Variants in FAM163A observed in about 807,000 individuals in gnomAD.
FAM163A encodes protein FAM163A.
In FAM163A, 7 loss-of-function variants were observed where a neutral mutation model predicts 12.0. The ratio of observed to expected loss-of-function variants is 0.58; its 90% CI spans 0.33 to 1.10. FAM163A has a LOEUF of 1.10. FAM163A is among the 50% of genes least tolerant of loss of function. The pLI is 0.03. For missense variants in FAM163A, 202 were observed against 218.6 expected (o/e 0.92, Z 0.48); for synonymous variants, 101 against 91.0 (o/e 1.11, Z -0.62).
At chr1:179,751,815 TA>T (rs1685314802) in intron 1 of FAM163A, among the ~76,000 whole-genome samples, 1 of 152,126 alleles carries the variant, frequency 6.6e-6, no homozygotes, top group African/African-American at 2.4e-5. Context: ...AAAGAAGACA[TA>T]AACAAATGGA....
the FAM163A span, among the ~76,000 whole-genome samples, chr1:179,730,733 T>G: frequency 6.6e-6 from 1 of 152,238 alleles, no homozygotes; most frequent in Non-Finnish European, 1.5e-5. Context: ...CACTCTTTTA[T>G]GTACAAAATA....
upstream of FAM163A, chr1:179,742,432 C>G (rs1201951364): frequency 6.6e-6 from 1 of 152,256 alleles, no homozygotes; most frequent in African/African-American, 2.4e-5. Flanking sequence ...CCGGGTTGAC[C>G]CCACCCCTCT....
chr1:179,728,824 T>G, the FAM163A span, among the ~76,000 whole-genome samples: 1 of 152,162 alleles, frequency 6.6e-6, no homozygotes, highest in Non-Finnish European at 1.5e-5. Flanking sequence ...CTAAATGGTT[T>G]TTGTCCTGAA....
chr1:179,728,048 C>T, the FAM163A span, among the ~76,000 whole-genome samples: 1 of 152,058 alleles, frequency 6.6e-6, no homozygotes, highest in East Asian at 1.9e-4. Context: ...TGTGAGTGGG[C>T]AGAAAAAGGA....
At position 179,814,681 on chromosome 1, in the gene FAM163A, T is replaced by C. The variant is rs894120977; in HGVS notation, c.*492T>C. ...GCGAGGGGCGGGGCGTCAACGGCAC[T>C]GCTTCAGGACGCGCTTGCTGAAACG... On this transcript the variant is annotated 3_prime_UTR_variant, in exon 5 of 5. Coordinates refer to ENST00000341785, the MANE Select transcript of FAM163A (RefSeq NM_173509.3). 1 of 158,250 alleles carries C rather than the reference T, an allele frequency of 6.3e-6. No individual in the cohort carries two copies. The allele number at this position is 158,250 out of a possible 1,614,324, so 9.8% of individuals were successfully genotyped here. A position where few individuals can be genotyped will look rare whatever the true frequency, so the allele number is the denominator to read the frequency against.
intron 1 of FAM163A, among the ~76,000 whole-genome samples, chr1:179,775,791 C>T (rs12756362): frequency 0.17 from 25,889 of 152,190 alleles, 2,939 homozygotes; most frequent in Non-Finnish European, 0.24. Context: ...ACTTTGAGGA[C>T]TCTCAGGAAA....
At chr1:179,786,195 A>G (rs1690597623) in intron 1 of FAM163A, among the ~76,000 whole-genome samples, 2 of 152,224 alleles carry the variant, frequency 1.3e-5, no homozygotes, top group Non-Finnish European at 2.9e-5. Flanking sequence ...ACCTACTAAC[A>G]CATCACAAAA....
At chr1:179,784,774 C>T (rs1448985898) in intron 1 of FAM163A, among the ~76,000 whole-genome samples, 1 of 152,174 alleles carries the variant, frequency 6.6e-6, no homozygotes, top group Non-Finnish European at 1.5e-5. Flanking sequence ...TGTGACATGT[C>T]GCAGTGTATA....
chr1:179,751,069 G>C (rs556869640), intron 1 of FAM163A, among the ~76,000 whole-genome samples: 80 of 152,280 alleles, frequency 5.3e-4, no homozygotes, highest in African/African-American at 1.9e-3. Context: ...CATTGTGAGT[G>C]AGTCTCAGCC....
chr1:179,778,836 A>T (rs2148162787), intron 1 of FAM163A, among the ~76,000 whole-genome samples: 1 of 152,328 alleles, frequency 6.6e-6, no homozygotes, highest in African/African-American at 2.4e-5. Flanking sequence ...GGTGCAACCC[A>T]CCTAGTAACA....
chr1:179,762,798 GA>G (rs1686983110), intron 1 of FAM163A, among the ~76,000 whole-genome samples: 1 of 152,200 alleles, frequency 6.6e-6, no homozygotes, highest in Non-Finnish European at 1.5e-5. Context: ...AGGCCATTGT[GA>G]ACACACACTG....
At chr1:179,765,425 C>T (rs1687355457) in intron 1 of FAM163A, among the ~76,000 whole-genome samples, 1 of 152,234 alleles carries the variant, frequency 6.6e-6, no homozygotes, top group Admixed American at 6.5e-5. Flanking sequence ...GGCCAGGCCA[C>T]ATCATGTGTC....
At chr1:179,807,271 C>T (rs1270728127) in intron 1 of FAM163A, among the ~76,000 whole-genome samples, 2 of 152,142 alleles carry the variant, frequency 1.3e-5, no homozygotes, top group East Asian at 1.9e-4. Context: ...TCTGGCTGTC[C>T]AGTCACCATC....
At chr1:179,765,484 G>A (rs965280654) in intron 1 of FAM163A, among the ~76,000 whole-genome samples, 7 of 152,156 alleles carry the variant, frequency 4.6e-5, no homozygotes, top group Non-Finnish European at 1.0e-4. Context: ...GCCCAGCTGA[G>A]GACCCTAAAA....
chr1:179,788,690 G>A (rs886269283), intron 1 of FAM163A, among the ~76,000 whole-genome samples: 2 of 152,180 alleles, frequency 1.3e-5, no homozygotes, highest in Non-Finnish European at 2.9e-5. Context: ...ATTGAATGAT[G>A]TGATGCATGT....
At chr1:179,734,636 T>G in the FAM163A span, among the ~76,000 whole-genome samples, 1 of 152,176 alleles carries the variant, frequency 6.6e-6, no homozygotes, top group Non-Finnish European at 1.5e-5. Context: ...GGTCTCTATT[T>G]TAAGGGTGCT....
chr1:179,795,769 C>T (rs1051293522), intron 1 of FAM163A, among the ~76,000 whole-genome samples: 1 of 152,166 alleles, frequency 6.6e-6, no homozygotes, highest in African/African-American at 2.4e-5. Flanking sequence ...CAAATAGAAA[C>T]ATTCTGAAGA....
intron 1 of FAM163A, among the ~76,000 whole-genome samples, chr1:179,805,345 C>G (rs1313534517): frequency 6.6e-6 from 1 of 152,246 alleles, no homozygotes; most frequent in Middle Eastern, 3.4e-3. Flanking sequence ...TGGTGAAACC[C>G]CATTTCTACT....
chr1:179,737,222 A>G, the FAM163A span, among the ~76,000 whole-genome samples: 1 of 152,246 alleles, frequency 6.6e-6, no homozygotes, highest in African/African-American at 2.4e-5. Context: ...ATGAACCTGA[A>G]GGAGATGATG....
Sources: allele counts gnomAD v4.1 joint callset (sites outside exome capture counted in the v4.1 genomes callset), GRCh38; gene constraint gnomAD v4.1.1; transcripts MANE v1.5; gene names NCBI Gene and HGNC (gene_info 2026-07-23, HGNC 2026-07-21).